PSD2: variants seen among roughly 807,000 people sequenced by gnomAD.
The protein encoded by PSD2 is PH and SEC7 domain-containing protein 2.
Under a neutral mutation model 69.8 loss-of-function variants are expected in PSD2, and 38 were observed. The observed-to-expected ratio is 0.54, with a 90% CI of 0.42 to 0.71. The LOEUF (loss-of-function observed/expected upper bound fraction) is 0.71, where lower values mean the gene tolerates loss of function less well. Among genes scored for constraint, PSD2 ranks in the 30% least tolerant of loss-of-function variants. PSD2 has a pLI of 0.00. For synonymous variants in PSD2, 412 were observed against 423.0 expected (o/e 0.97, Z 0.32); for missense variants, 943 against 1,014.5 (o/e 0.93, Z 0.96).
Position 139,814,309 on chromosome 5 carries a change from C to A in PSD2, c.961C>A (p.Leu321Ile). The part of the protein sequence containing the change: ...SEAAHRLARR[L>I]YHLEGFQRCD... ...AGCTGCTCATCGGCTGGCACGCCGT[C>A]TCTACCACCTCGAGGGCTTCCAGCG... The change falls in exon 4 of 15, where the codon CTC (leucine) becomes ATC (isoleucine). Residue 321 changes from leucine to isoleucine, a missense_variant. Leu to Ile is a conservative substitution (Grantham distance 5). This residue lies in a region of PSD2 where 466 missense variants were observed against 445.0 expected (regional missense o/e 1.05). Coordinates refer to ENST00000274710, the MANE Select transcript of PSD2 (RefSeq NM_032289.4). The surrounding 1 kb of genome is among the most constrained non-coding windows in gnomAD (Gnocchi z 4.4). 1 of 1,612,934 alleles carries A rather than the reference C, an allele frequency of 6.2e-7. No homozygotes were observed. The highest frequency in any genetic ancestry group is 8.5e-7 in the Non-Finnish European group (1 of 1,179,564).
the PSD2 span, among the ~76,000 whole-genome samples, chr5:139,780,688 C>G: frequency 6.6e-6 from 1 of 152,218 alleles, no homozygotes; most frequent in Non-Finnish European, 1.5e-5. Flanking sequence ...AAATGATCCA[C>G]CAGCCTCGGC....
At position 139,835,782 on chromosome 5, in the gene PSD2, G is replaced by A; in HGVS notation, c.1403+16G>A. On this transcript the variant is annotated intron_variant, in intron 9 of 14. Coordinates refer to ENST00000274710, the MANE Select transcript of PSD2 (RefSeq NM_032289.4). ...AATGGGCCATGTGAGTAGTGACGAT[G>A]GGCACAGGTATGGGGAGCATACATC... The A allele has an allele frequency of 3.1e-6, 5 of 1,613,478 alleles. No individual in the cohort carries two copies. Among genetic ancestry groups the A allele is most frequent in the Non-Finnish European group, 4.2e-6 (5 of 1,179,402 alleles).
chr5:139,754,068 T>C, the PSD2 span, among the ~76,000 whole-genome samples: 3 of 152,126 alleles, frequency 2.0e-5, no homozygotes, highest in African/African-American at 7.2e-5. Flanking sequence ...ACTCCTGACC[T>C]CAGGTGATCC....
intron 7 of PSD2, among the ~76,000 whole-genome samples, chr5:139,824,591 C>T (rs1478805234): frequency 6.6e-6 from 1 of 151,980 alleles, no homozygotes; most frequent in African/African-American, 2.4e-5. Flanking sequence ...AGAGATGTCT[C>T]TCTCTTTACG....
rs375894634 is a variant in PSD2 at position 139,803,989 on chromosome 5, T to C, written c.-50-5402T>C. Among the ~76,000 whole-genome samples the C allele has an allele frequency of 1.4e-4, 22 of 152,254 alleles. No homozygotes were observed. The East Asian group carries it at 4.2e-3, about 29-fold the overall frequency. ...CCTACTGCCCATGCTGCCAGTGGCC[T>C]AGCAGGTCCTGTGGAGCCCTGGAGC... is the stretch of plus-strand genomic sequence containing the variant. On this transcript the variant is annotated intron_variant, in intron 1 of 14. Transcript: ENST00000274710.
In PSD2 at chr5:139,844,147, G is replaced by C. The variant is rs1760943416; in HGVS notation, c.*1673G>C. ...AAACGCCATGTGGCACCACAAAAGAGCTCTCTGTACTTTCCCCATGCTGCC... is the reference window on the plus strand; with the variant it reads ...AAACGCCATGTGGCACCACAAAAGACCTCTCTGTACTTTCCCCATGCTGCC... On this transcript the variant is annotated 3_prime_UTR_variant, in exon 15 of 15. Coordinates refer to ENST00000274710, the MANE Select transcript of PSD2 (RefSeq NM_032289.4). The C allele has an allele frequency of 6.6e-6, 1 of 152,212 alleles. No homozygotes were observed. The highest frequency in any genetic ancestry group is 2.4e-5 in the African/African-American group (1 of 41,460). 9.4% of individuals were successfully genotyped at this position (152,212 alleles called of 1,614,324 possible).
At chr5:139,841,476 T>C (rs953299163) in intron 14 of PSD2, among the ~76,000 whole-genome samples, 13 of 152,222 alleles carry the variant, frequency 8.5e-5, no homozygotes, top group African/African-American at 3.1e-4. Context: ...GTTATGAAAA[T>C]GGGTATACAA....
At chr5:139,804,299 C>T (rs2126928029) in intron 1 of PSD2, among the ~76,000 whole-genome samples, 1 of 152,172 alleles carries the variant, frequency 6.6e-6, no homozygotes, top group South Asian at 2.1e-4. Flanking sequence ...AGAATAGGTC[C>T]AAGAAAGATT....
intron 1 of PSD2, among the ~76,000 whole-genome samples, chr5:139,803,399 G>A (rs1457922909): frequency 6.6e-6 from 1 of 152,250 alleles, no homozygotes; most frequent in Non-Finnish European, 1.5e-5. Flanking sequence ...AGCCAGCTTG[G>A]TTCCTTGCAG....
At chr5:139,784,921 A>AT in the PSD2 span, among the ~76,000 whole-genome samples, 20 of 150,582 alleles carry the variant, frequency 1.3e-4, 1 homozygote, top group Admixed American at 3.3e-4. Flanking sequence ...CGCCTGGCTA[A>AT]TTTTTTTTTG....
the PSD2 span, among the ~76,000 whole-genome samples, chr5:139,756,989 A>G: frequency 6.6e-6 from 1 of 152,226 alleles, no homozygotes; most frequent in Non-Finnish European, 1.5e-5. Context: ...ACAAGGTTGG[A>G]ACTCATGTTT....
Position 139,840,084 on chromosome 5 carries a change from G to C in PSD2, c.2026G>C (p.Glu676Gln). Residue 676 changes from glutamate (E) to glutamine (Q), a missense_variant, in exon 14 of 15, where the codon GAA becomes CAA. Glu to Gln is a conservative substitution (Grantham distance 29). Transcript: ENST00000274710. ...KLRQLTAELA[E>Q]HRCHPVERGI... ...GAGGCAGCTGACTGCGGAGCTGGCC[G>C]AACACAGGTGTCACCCAGTCGAGAG... The C allele has an allele frequency of 6.2e-7, 1 of 1,614,200 alleles. No homozygotes were observed. Among genetic ancestry groups the C allele is most frequent in the South Asian group, 1.1e-5 (1 of 91,086 alleles).
the PSD2 span, among the ~76,000 whole-genome samples, chr5:139,787,562 T>C: frequency 6.6e-6 from 1 of 152,202 alleles, no homozygotes; most frequent in Admixed American, 6.5e-5. Flanking sequence ...CAACCAGCGT[T>C]TGTTGGTGTT....
chr5:139,786,127 G>C, the PSD2 span, among the ~76,000 whole-genome samples: 1 of 152,136 alleles, frequency 6.6e-6, no homozygotes, highest in Non-Finnish European at 1.5e-5. Context: ...GCTCACACCT[G>C]TCGTCCCAGC....
At chr5:139,759,395 C>T in the PSD2 span, among the ~76,000 whole-genome samples, 2 of 152,076 alleles carry the variant, frequency 1.3e-5, no homozygotes, top group East Asian at 1.9e-4. Context: ...ACCCCATGGG[C>T]GGATGCTGCC....
In PSD2 at chr5:139,842,341, G is replaced by A. The variant is rs376975189; in HGVS notation, c.2183G>A (p.Arg728Gln). Residue 728 changes from arginine (R) to glutamine (Q), a missense_variant, in exon 15 of 15, where the codon CGG (arginine) becomes CAG (glutamine). Coordinates refer to ENST00000274710, the MANE Select transcript of PSD2 (RefSeq NM_032289.4). ...KIKVGSDDLERIEARLATLEG... is the reference protein window; with the variant it reads ...KIKVGSDDLEQIEARLATLEG... ...AAAGTGGGCTCAGATGATCTGGAGC[G>A]GATTGAGGCCCGGCTGGCCACTCTG... The A allele has an allele frequency of 1.7e-5, 27 of 1,614,050 alleles. No individual in the cohort carries two copies. The highest frequency in any genetic ancestry group is 1.2e-4 in the South Asian group (11 of 91,088).
At chr5:139,745,442 G>C in the PSD2 span, among the ~76,000 whole-genome samples, 1 of 152,220 alleles carries the variant, frequency 6.6e-6, no homozygotes, top group Non-Finnish European at 1.5e-5. Context: ...ATGCTGAGTC[G>C]CCTGGGGAGG....
At position 139,837,838 on chromosome 5, in the gene PSD2, C is replaced by A; in HGVS notation, c.1823+56C>A. 1 of 1,525,368 alleles carries A rather than the reference C, an allele frequency of 6.6e-7. No homozygotes were observed. Among genetic ancestry groups the A allele is most frequent in the Non-Finnish European group, 9.0e-7 (1 of 1,116,840 alleles). The allele number at this position is 1,525,368 out of a possible 1,614,324, so 94.5% of individuals were successfully genotyped here. On this transcript the variant is annotated intron_variant, in intron 12 of 14. Transcript: ENST00000274710. This position sits in a 1 kb window ranked among gnomAD's most constrained non-coding sequence, Gnocchi z 5.0. Reference sequence around the variant, plus strand: ...CCTGGGGCCCAGGGCCACAGTGACCCGGCACACAACCCCTCTCCTTCCCGT... The same window carrying A: ...CCTGGGGCCCAGGGCCACAGTGACCAGGCACACAACCCCTCTCCTTCCCGT...
chr5:139,822,937 C>T (rs1280081730), intron 7 of PSD2, among the ~76,000 whole-genome samples, 153 bp downstream of exon 7: 2 of 152,106 alleles, frequency 1.3e-5, no homozygotes, highest in Non-Finnish European at 2.9e-5. Context: ...TTTGGCCCCG[C>T]CCTAGTTTCA....
Sources: allele counts gnomAD v4.1 joint callset (sites outside exome capture counted in the v4.1 genomes callset), GRCh38; gene constraint gnomAD v4.1.1; regional missense constraint gnomAD v4.1.1; non-coding constraint Gnocchi (gnomAD v3.1); transcripts MANE v1.5; gene names NCBI Gene and HGNC (gene_info 2026-07-23, HGNC 2026-07-21).